The following KHDRBS2 variants were observed in gnomAD, a reference collection of about 807,000 sequenced individuals.
KHDRBS2 encodes KH RNA binding domain containing, signal transduction associated 2.
A neutral mutation model predicts 44.3 loss-of-function variants in KHDRBS2; 26 were observed. That is an observed-to-expected ratio of 0.59 (90% CI 0.43 to 0.81). KHDRBS2 has a LOEUF of 0.81. KHDRBS2 is among the 40% of genes least tolerant of loss of function. The pLI, the probability that KHDRBS2 is intolerant of heterozygous loss-of-function variation, is 0.00. For missense variants in KHDRBS2, 476 were observed against 433.1 expected, an observed-to-expected ratio of 1.10 and a Z score of -0.88; for synonymous variants, 194 against 151.1, an observed-to-expected ratio of 1.28 and a Z score of -2.08.
At chr6:62,044,304 C>T (rs1214448167) in intron 3 of KHDRBS2, among the ~76,000 whole-genome samples, 1 of 151,556 alleles carries the variant, frequency 6.6e-6, no homozygotes, top group Non-Finnish European at 1.5e-5. Context: ...AAGGAGACTC[C>T]ATCTCTACAA....
chr6:62,242,296 T>C (rs901212652), intron 1 of KHDRBS2, among the ~76,000 whole-genome samples: 3 of 152,126 alleles, frequency 2.0e-5, no homozygotes, highest in African/African-American at 7.2e-5. Flanking sequence ...TAAAATCAGG[T>C]TATTCATTTT....
intron 2 of KHDRBS2, among the ~76,000 whole-genome samples, chr6:62,169,055 ATATATATG>A (rs1245343879): frequency 7.1e-6 from 1 of 141,740 alleles, no homozygotes; most frequent in African/African-American, 2.6e-5. Context: ...ATATATATAT[ATATATATG>A]TATACATGAA....
intron 7 of KHDRBS2, among the ~76,000 whole-genome samples, chr6:61,703,089 A>G: frequency 6.6e-6 from 1 of 152,004 alleles, no homozygotes; most frequent in South Asian, 2.1e-4. Context: ...TATTTCTAGA[A>G]TATAAAATAG....
chr6:61,951,095 T>C (rs1444044298), intron 4 of KHDRBS2, among the ~76,000 whole-genome samples: 2 of 152,058 alleles, frequency 1.3e-5, no homozygotes, highest in Non-Finnish European at 2.9e-5. Flanking sequence ...TAGAACATTC[T>C]ATGGTTCTAT....
intron 2 of KHDRBS2, among the ~76,000 whole-genome samples, chr6:62,051,438 T>G (rs910582693): frequency 6.6e-6 from 1 of 152,024 alleles, no homozygotes; most frequent in Non-Finnish European, 1.5e-5. Context: ...AGTGTTTTTT[T>G]AGCACAATTT....
intron 2 of KHDRBS2, among the ~76,000 whole-genome samples, chr6:62,122,064 T>C (rs1261671404): frequency 6.6e-6 from 1 of 152,032 alleles, no homozygotes; most frequent in Non-Finnish European, 1.5e-5. Context: ...TGACCCGAAA[T>C]GTTGCCAGTT....
downstream of KHDRBS2, among the ~76,000 whole-genome samples, chr6:61,676,124 A>G (rs1319826608): frequency 6.6e-6 from 1 of 151,792 alleles, no homozygotes; most frequent in Non-Finnish European, 1.5e-5. Flanking sequence ...GTTCGTGCAT[A>G]TGCTTGCCAG....
At chr6:61,848,543 A>ATG (rs1794908551) in intron 6 of KHDRBS2, among the ~76,000 whole-genome samples, 1 of 56,728 alleles carries the variant, frequency 1.8e-5, no homozygotes, top group African/African-American at 9.5e-5. Context: ...ATATATATGT[A>ATG]TATATATACA....
At chr6:62,000,899 A>T (rs1196146432) in intron 3 of KHDRBS2, among the ~76,000 whole-genome samples, 1 of 152,224 alleles carries the variant, frequency 6.6e-6, no homozygotes, top group Admixed American at 6.5e-5. Context: ...AAAAATTAGT[A>T]CTATTAAATC....
At chr6:62,208,049 C>T (rs1287846089) in intron 1 of KHDRBS2, among the ~76,000 whole-genome samples, 1 of 152,010 alleles carries the variant, frequency 6.6e-6, no homozygotes, top group Admixed American at 6.6e-5. Flanking sequence ...TTTTCTCTGC[C>T]CCCTCTCACC....
the KHDRBS2 span, among the ~76,000 whole-genome samples, chr6:61,625,764 T>C: frequency 6.6e-6 from 1 of 152,336 alleles, no homozygotes; most frequent in South Asian, 2.1e-4. Flanking sequence ...AGTAATCACT[T>C]ACACATCTAA....
At chr6:61,750,919 G>C (rs970892677) in intron 6 of KHDRBS2, among the ~76,000 whole-genome samples, 1 of 151,810 alleles carries the variant, frequency 6.6e-6, no homozygotes, top group Admixed American at 6.6e-5. Context: ...TTAAGAATAA[G>C]GTAAATGATG....
intron 4 of KHDRBS2, among the ~76,000 whole-genome samples, chr6:61,938,951 A>T (rs550329425): frequency 6.6e-6 from 1 of 152,202 alleles, no homozygotes; most frequent in African/African-American, 2.4e-5. Flanking sequence ...TCTCCTATTC[A>T]TGTTCATCAG....
At chr6:62,008,297 A>G (rs1049007991) in intron 3 of KHDRBS2, among the ~76,000 whole-genome samples, 40 of 152,240 alleles carry the variant, frequency 2.6e-4, no homozygotes, top group African/African-American at 9.4e-4. Context: ...CCTAAACAAA[A>G]GACTCTTTTT....
intron 8 of KHDRBS2, among the ~76,000 whole-genome samples, chr6:61,690,359 CA>C (rs1418867755): frequency 6.6e-6 from 1 of 151,746 alleles, no homozygotes; most frequent in Non-Finnish European, 1.5e-5. Context: ...CTGTTCATCC[CA>C]AGAGTTCGAC....
At chr6:62,167,742 G>T (rs1033018782) in intron 2 of KHDRBS2, among the ~76,000 whole-genome samples, 1 of 152,082 alleles carries the variant, frequency 6.6e-6, no homozygotes, top group African/African-American at 2.4e-5. Context: ...GATAAAACAG[G>T]TTTAAGCTGT....
chr6:62,150,509 G>C (rs1195064046), intron 2 of KHDRBS2, among the ~76,000 whole-genome samples: 1 of 152,208 alleles, frequency 6.6e-6, no homozygotes, highest in African/African-American at 2.4e-5. Context: ...GTAAGTGATA[G>C]AGTTGTACAA....
the KHDRBS2 span, among the ~76,000 whole-genome samples, chr6:61,606,376 C>A: frequency 6.6e-6 from 1 of 152,036 alleles, no homozygotes; most frequent in East Asian, 1.9e-4. Flanking sequence ...CTCACAGTGC[C>A]AAAAATGAAC....
At chr6:62,030,745 A>C (rs1033460043) in intron 3 of KHDRBS2, among the ~76,000 whole-genome samples, 2 of 152,144 alleles carry the variant, frequency 1.3e-5, no homozygotes, top group Non-Finnish European at 2.9e-5. Flanking sequence ...ATAATAAAAA[A>C]GATTATATAA....
Sources: gnomAD v4.1 joint callset for allele counts (sites outside exome capture counted in the v4.1 genomes callset) on GRCh38, gnomAD v4.1.1 for gene constraint, MANE v1.5 for transcripts, NCBI Gene and HGNC (gene_info 2026-07-23, HGNC 2026-07-21) for gene names.